The following CFDP1 variants were observed in gnomAD, a reference collection of about 807,000 sequenced individuals.
CFDP1 encodes chromatin remodeling protein CFDP1.
Under a neutral mutation model 40.1 loss-of-function variants are expected in CFDP1, and 31 were observed. That is an observed-to-expected ratio of 0.77 (90% CI 0.58 to 1.04). The LOEUF (loss-of-function observed/expected upper bound fraction) is 1.04. CFDP1 is among the 50% of genes least tolerant of loss of function. The pLI, the probability that CFDP1 is intolerant of heterozygous loss-of-function variation, is 0.00. For synonymous variants in CFDP1, 167 were observed against 120.0 expected (o/e 1.39, Z -2.56); for missense variants, 423 against 343.4 (o/e 1.23, Z -1.83).
chr16:75,368,742 C>G (rs145830605), intron 5 of CFDP1, among the ~76,000 whole-genome samples: 1 of 151,776 alleles, frequency 6.6e-6, no homozygotes, highest in African/African-American at 2.4e-5. Flanking sequence ...CCTAGGCTCA[C>G]GCAATCCTCC....
intron 5 of CFDP1, among the ~76,000 whole-genome samples, chr16:75,387,996 G>A (rs939105349): frequency 6.6e-6 from 1 of 152,208 alleles, no homozygotes; most frequent in Non-Finnish European, 1.5e-5. Context: ...TTATGAAATT[G>A]AGGAGAGACT....
chr16:75,353,259 AT>A (rs1211880134), intron 5 of CFDP1, among the ~76,000 whole-genome samples: 6 of 152,234 alleles, frequency 3.9e-5, no homozygotes, highest in African/African-American at 1.2e-4. Flanking sequence ...CTGACTGGGT[AT>A]TTGGTAATAT....
At chr16:75,427,023 C>A (rs1201307901) in intron 1 of CFDP1, among the ~76,000 whole-genome samples, 3 of 148,700 alleles carry the variant, frequency 2.0e-5, no homozygotes, top group South Asian at 4.3e-4. Context: ...CCACTGTACT[C>A]CAGCCTGGGG....
At chr16:75,353,482 G>A (rs1457751666) in intron 5 of CFDP1, among the ~76,000 whole-genome samples, 1 of 152,158 alleles carries the variant, frequency 6.6e-6, no homozygotes, top group African/African-American at 2.4e-5. Context: ...CATTAATGAG[G>A]CTGGGGGCGG....
chr16:75,367,888 T>G (rs958166182), intron 5 of CFDP1, among the ~76,000 whole-genome samples: 1 of 151,672 alleles, frequency 6.6e-6, no homozygotes, highest in African/African-American at 2.4e-5. Context: ...GTGGATCACT[T>G]GAGGTCAGGA....
intron 5 of CFDP1, among the ~76,000 whole-genome samples, chr16:75,355,321 G>C (rs2078638574): frequency 6.6e-6 from 1 of 152,214 alleles, no homozygotes; most frequent in Non-Finnish European, 1.5e-5. Flanking sequence ...ATGCAATGCT[G>C]TTTGATAGCA....
chr16:75,427,710 T>C (rs1216228276), intron 1 of CFDP1, among the ~76,000 whole-genome samples: 1 of 152,160 alleles, frequency 6.6e-6, no homozygotes, highest in Non-Finnish European at 1.5e-5. Flanking sequence ...AACATACACA[T>C]ACTACAAAAC....
intron 5 of CFDP1, among the ~76,000 whole-genome samples, chr16:75,387,423 G>A (rs544319400): frequency 3.9e-5 from 6 of 152,300 alleles, no homozygotes; most frequent in African/African-American, 1.4e-4. Context: ...TTACAGGCGT[G>A]AGCCACTGCG....
At chr16:75,382,389 C>A (rs1040152543) in intron 5 of CFDP1, among the ~76,000 whole-genome samples, 1 of 152,186 alleles carries the variant, frequency 6.6e-6, no homozygotes, top group East Asian at 1.9e-4. Context: ...AAAATATATT[C>A]TATAAAGACA....
Position 75,321,171 on chromosome 16 carries a change from T to G in CFDP1, c.651-15989A>C, listed in dbSNP as rs572780895. 3.9e-5 allele frequency among the ~76,000 whole-genome samples: 6 copies of G among 152,190 alleles called. No homozygotes were observed. In the South Asian group the frequency reaches 1.2e-3, roughly 32 times the overall value. ...TACAAGACAAGATCTCACTATGTTG[T>G]TCAGCCTGATCCTGAACTCCTGGGC... On this transcript the variant is annotated intron_variant, in intron 5 of 6. Transcript: ENST00000283882.
At position 75,414,678 on chromosome 16, in the gene CFDP1, C is replaced by G; in HGVS notation, c.82G>C (p.Asp28His). Residue 28 changes from aspartate to histidine, a missense_variant, in exon 2 of 7, where the codon GAT becomes CAT. Transcript: ENST00000283882. ...YVPSGGEYSE[D>H]DVNELVKEDE... ...TCCTTCACTAATTCATTTACATCATCTTCACTATACTCTCCACCTGAAATC... is the reference window on the plus strand; with the variant it reads ...TCCTTCACTAATTCATTTACATCATGTTCACTATACTCTCCACCTGAAATC... 6.2e-7 allele frequency: 1 copy of G among 1,607,216 alleles called. No individual in the cohort carries two copies. Among genetic ancestry groups the G allele is most frequent in the Non-Finnish European group, 8.5e-7 (1 of 1,173,852 alleles).
At chr16:75,433,235 A>G (rs1012323313) in intron 1 of CFDP1, 54 bp downstream of exon 1, 3 of 1,525,186 alleles carry the variant, frequency 2.0e-6, no homozygotes, top group Non-Finnish European at 2.7e-6. Flanking sequence ...AGCGCGCCTC[A>G]CGTGAGGCGT....
At chr16:75,422,394 C>T (rs896258751) in intron 1 of CFDP1, among the ~76,000 whole-genome samples, 1 of 147,612 alleles carries the variant, frequency 6.8e-6, no homozygotes, top group African/African-American at 2.6e-5. Flanking sequence ...TGCGTATGGC[C>T]TCTTTTTTTT....
intron 5 of CFDP1, among the ~76,000 whole-genome samples, chr16:75,309,540 A>G (rs764123561): frequency 1.3e-5 from 2 of 151,670 alleles, no homozygotes; most frequent in Non-Finnish European, 2.9e-5. Flanking sequence ...AACCAATCCA[A>G]CCGGGCGCTG....
At chr16:75,387,433 G>A (rs991677806) in intron 5 of CFDP1, among the ~76,000 whole-genome samples, 3 of 152,262 alleles carry the variant, frequency 2.0e-5, no homozygotes, top group South Asian at 4.1e-4. Context: ...GAGCCACTGC[G>A]CCCGGCCAGG....
At chr16:75,303,140 C>G (rs988021293) in intron 6 of CFDP1, among the ~76,000 whole-genome samples, 2 of 149,400 alleles carry the variant, frequency 1.3e-5, no homozygotes, top group Admixed American at 1.3e-4. Flanking sequence ...GCAGAGGTTG[C>G]AGTGACCCAA....
chr16:75,421,861 C>T (rs1283158824), intron 1 of CFDP1, among the ~76,000 whole-genome samples: 1 of 152,174 alleles, frequency 6.6e-6, no homozygotes, highest in Non-Finnish European at 1.5e-5. Context: ...CCCCACCCCA[C>T]ACCAAAACCC....
At chr16:75,392,565 T>C (rs1249816148) in intron 5 of CFDP1, among the ~76,000 whole-genome samples, 3 of 152,132 alleles carry the variant, frequency 2.0e-5, no homozygotes, top group Admixed American at 6.5e-5. Flanking sequence ...TGGTGCAATC[T>C]CAGCTCACTT....
intron 1 of CFDP1, among the ~76,000 whole-genome samples, chr16:75,428,885 G>A (rs2079374972): frequency 6.6e-6 from 1 of 152,008 alleles, no homozygotes; most frequent in Non-Finnish European, 1.5e-5. Flanking sequence ...GGGAGGCCGA[G>A]GCAGGCAGAT....
Sources: allele counts gnomAD v4.1 joint callset (sites outside exome capture counted in the v4.1 genomes callset), GRCh38; gene constraint gnomAD v4.1.1; transcripts MANE v1.5; gene names NCBI Gene and HGNC (gene_info 2026-07-23, HGNC 2026-07-21).